Variants in RBFOX1 observed in about 807,000 individuals in gnomAD.
The protein encoded by RBFOX1 is RNA binding protein fox-1 homolog 1.
Under a neutral mutation model 57.7 loss-of-function variants are expected in RBFOX1, and 8 were observed. The observed-to-expected ratio is 0.14, with a 90% CI of 0.08 to 0.25. The LOEUF is 0.25. Ranked by LOEUF, RBFOX1 falls within the 10% of genes least tolerant of loss-of-function variation. The probability of loss-of-function intolerance (pLI) is 1.00; values close to 1 mark genes in which losing one functional copy is unlikely to be tolerated. For missense variants in RBFOX1, 611 were observed against 548.5 expected, an observed-to-expected ratio of 1.11 and a Z score of -1.14; for synonymous variants, 326 against 222.4, an observed-to-expected ratio of 1.47 and a Z score of -4.15.
intron 2 of RBFOX1, among the ~76,000 whole-genome samples, chr16:5,511,008 G>A (rs563882831): frequency 4.6e-5 from 7 of 152,026 alleles, no homozygotes; most frequent in African/African-American, 7.2e-5. Flanking sequence ...TTTTACTTAC[G>A]TCATTGCTGA....
At chr16:6,189,179 T>C (rs753276490) in intron 1 of RBFOX1, among the ~76,000 whole-genome samples, 25 of 152,190 alleles carry the variant, frequency 1.6e-4, no homozygotes, top group Non-Finnish European at 2.9e-4. Context: ...GTCAGATGGA[T>C]ATTACAATGA....
intron 4 of RBFOX1, among the ~76,000 whole-genome samples, chr16:7,215,329 A>C (rs974293109): frequency 3.3e-5 from 5 of 152,200 alleles, no homozygotes; most frequent in African/African-American, 1.2e-4. Context: ...TATATACTCA[A>C]AGTATTATAA....
At chr16:5,499,520 C>G (rs2043115833) in intron 2 of RBFOX1, among the ~76,000 whole-genome samples, 1 of 152,164 alleles carries the variant, frequency 6.6e-6, no homozygotes, top group South Asian at 2.1e-4. Flanking sequence ...AAATCCACAC[C>G]ATTATAATGT....
At chr16:5,752,258 C>G (rs1033979436) in intron 3 of RBFOX1, among the ~76,000 whole-genome samples, 1 of 152,160 alleles carries the variant, frequency 6.6e-6, no homozygotes, top group Non-Finnish European at 1.5e-5. Flanking sequence ...GAAATACACA[C>G]TGGGACCTTT....
intron 3 of RBFOX1, among the ~76,000 whole-genome samples, chr16:5,605,702 A>G (rs75316405): frequency 0.037 from 5,643 of 150,744 alleles, 247 homozygotes; most frequent in African/African-American, 0.11. Context: ...AGTAATGTCT[A>G]CCTCAGGTCT....
chr16:6,182,162 C>T (rs117848036), intron 1 of RBFOX1, among the ~76,000 whole-genome samples: 1 of 152,092 alleles, frequency 6.6e-6, no homozygotes, highest in African/African-American at 2.4e-5. Context: ...CATTATTAAG[C>T]TTATTCTCTG....
chr16:7,387,504 G>A (rs562515995), intron 4 of RBFOX1, among the ~76,000 whole-genome samples: 5 of 152,262 alleles, frequency 3.3e-5, no homozygotes, highest in South Asian at 2.1e-4. Flanking sequence ...CCTGGGTCTC[G>A]TTTCTTATCA....
intron 3 of RBFOX1, among the ~76,000 whole-genome samples, chr16:6,706,417 G>C (rs1480331877): frequency 6.6e-6 from 1 of 152,210 alleles, no homozygotes; most frequent in Non-Finnish European, 1.5e-5. Context: ...GGCTTAATTT[G>C]GCATGATAAT....
chr16:5,826,436 C>A (rs536542878), intron 3 of RBFOX1, among the ~76,000 whole-genome samples: 1 of 152,232 alleles, frequency 6.6e-6, no homozygotes, highest in African/African-American at 2.4e-5. Context: ...CAAACTATTT[C>A]TGAAAAAGGC....
At chr16:7,280,947 C>A (rs1053116294) in intron 4 of RBFOX1, among the ~76,000 whole-genome samples, 1 of 121,618 alleles carries the variant, frequency 8.2e-6, no homozygotes, top group Non-Finnish European at 1.7e-5. Context: ...GCATGTGATT[C>A]CCTACCTACC....
At chr16:5,858,790 T>A (rs1439300468) in intron 3 of RBFOX1, among the ~76,000 whole-genome samples, 1 of 152,208 alleles carries the variant, frequency 6.6e-6, no homozygotes, top group Non-Finnish European at 1.5e-5. Context: ...CATCCATGAA[T>A]GGGCTCTTTC....
At position 7,431,977 on chromosome 16, in the gene RBFOX1, C is replaced by G. The variant is rs77770284; in HGVS notation, c.28-86170C>G. Among the ~76,000 whole-genome samples, 515 of 152,350 alleles carry G rather than the reference C, an allele frequency of 3.4e-3. 1 individual carries two copies. Among genetic ancestry groups the G allele is most frequent in the African/African-American group, 0.012 (480 of 41,588 alleles). ...GCCTCATTACGGGATGCCAAGCATT[C>G]CCACCAGTGGGCAGCCTGTGGCACC... is the stretch of plus-strand genomic sequence containing the variant. On this transcript the variant is annotated intron_variant, in intron 4 of 15. Coordinates refer to ENST00000550418, the MANE Select transcript of RBFOX1 (RefSeq NM_018723.4).
intron 4 of RBFOX1, among the ~76,000 whole-genome samples, chr16:5,904,952 G>T (rs1234151253): frequency 1.5e-4 from 21 of 137,706 alleles, no homozygotes; most frequent in African/African-American, 4.9e-4. Context: ...ACTCCAGCCT[G>T]GGCGACAGAG....
intron 3 of RBFOX1, among the ~76,000 whole-genome samples, chr16:5,675,120 C>T (rs56939997): frequency 0.029 from 4,367 of 152,086 alleles, 226 homozygotes; most frequent in African/African-American, 0.099. Flanking sequence ...TACTCTCCAG[C>T]CTGGGCAAAA....
chr16:6,441,899 A>G (rs8054323), intron 2 of RBFOX1, among the ~76,000 whole-genome samples: 33,685 of 151,974 alleles, frequency 0.22, 4,043 homozygotes, highest in East Asian at 0.43. Context: ...CTCAGGCAGC[A>G]GTGGTCAGCG....
At chr16:5,618,112 G>T (rs1044249200) in intron 3 of RBFOX1, among the ~76,000 whole-genome samples, 24 of 152,148 alleles carry the variant, frequency 1.6e-4, no homozygotes, top group African/African-American at 5.1e-4. Context: ...ATGATGTAAA[G>T]TATTTTTATC....
At chr16:7,465,618 C>G (rs768561317) in intron 4 of RBFOX1, among the ~76,000 whole-genome samples, 1 of 152,126 alleles carries the variant, frequency 6.6e-6, no homozygotes, top group Non-Finnish European at 1.5e-5. Flanking sequence ...CAAGATTTGT[C>G]AGGAATATGC....
At chr16:6,394,850 T>C (rs2092756537) in intron 2 of RBFOX1, among the ~76,000 whole-genome samples, 2 of 152,144 alleles carry the variant, frequency 1.3e-5, no homozygotes, top group Admixed American at 1.3e-4. Context: ...AAGGAGAAAC[T>C]AACTGTTTAA....
chr16:5,769,297 C>G (rs935405346), intron 3 of RBFOX1, among the ~76,000 whole-genome samples: 4 of 151,902 alleles, frequency 2.6e-5, no homozygotes, highest in Non-Finnish European at 5.9e-5. Flanking sequence ...AAGTAAAAAT[C>G]AGGTCATTAG....
Sources: allele counts gnomAD v4.1 joint callset (sites outside exome capture counted in the v4.1 genomes callset), GRCh38; gene constraint gnomAD v4.1.1; transcripts MANE v1.5; gene names NCBI Gene and HGNC (gene_info 2026-07-23, HGNC 2026-07-21).